The following RUVBL2 variants were observed in gnomAD, a reference collection of about 807,000 sequenced individuals.
The protein encoded by RUVBL2 is RuvB like AAA ATPase 2.
Under a neutral mutation model 57.9 loss-of-function variants are expected in RUVBL2, and 9 were observed. The ratio of observed to expected loss-of-function variants is 0.16; its 90% confidence interval spans 0.09 to 0.27. The LOEUF is 0.27. Ranked by LOEUF, RUVBL2 falls within the 10% of genes least tolerant of loss-of-function variation. The pLI is 1.00. For synonymous variants in RUVBL2, 278 were observed against 264.6 expected, an observed-to-expected ratio of 1.05 and a Z score of -0.49; for missense variants, 456 against 669.6, an observed-to-expected ratio of 0.68 and a Z score of 3.52.
intron 1 of RUVBL2, among the ~76,000 whole-genome samples, chr19:48,996,541 T>TGTGTGTGTGTGTGTG (rs2039065498): frequency 6.8e-6 from 1 of 146,240 alleles, no homozygotes; most frequent in African/African-American, 2.5e-5. Context: ...TGTGTGTGTG[T>TGTGTGTGTGTGTGTG]TAGTGATAGA....
Position 49,004,203 on chromosome 19 carries a change from C to T in RUVBL2, c.124-74C>T, listed in dbSNP as rs2039239966. On this transcript the variant is annotated intron_variant, in intron 3 of 14. Coordinates refer to ENST00000595090, the MANE Select transcript of RUVBL2 (RefSeq NM_006666.3). Reference sequence around the variant, plus strand: ...GCTAGTAATGTCTGCTTCCATCTCACTAGCTTCCTGATGTGGTAGAAATGC... The same window carrying T: ...GCTAGTAATGTCTGCTTCCATCTCATTAGCTTCCTGATGTGGTAGAAATGC... 3 of 1,495,482 alleles carry T rather than the reference C, an allele frequency of 2.0e-6. 1 individual carries two copies. The highest frequency in any genetic ancestry group is 1.4e-5 in the African/African-American group (1 of 71,444). The allele number at this position is 1,495,482 out of a possible 1,614,324, so 92.6% of individuals were successfully genotyped here.
intron 6 of RUVBL2, among the ~76,000 whole-genome samples, chr19:49,007,773 C>CG (rs2039311211): frequency 6.6e-6 from 1 of 151,998 alleles, no homozygotes; most frequent in African/African-American, 2.4e-5. Context: ...GGTGCAATCT[C>CG]GGCTCACTGC....
chr19:49,010,137 T>C (rs1013400358), intron 8 of RUVBL2, 71 bp downstream of exon 8: 2 of 1,348,452 alleles, frequency 1.5e-6, no homozygotes, highest in Middle Eastern at 3.5e-4. Flanking sequence ...ATCACCCCCT[T>C]GACCCATGGG....
At chr19:49,007,443 G>T (rs1345984906) in intron 6 of RUVBL2, 75 bp downstream of exon 6, 2 of 1,341,602 alleles carry the variant, frequency 1.5e-6, no homozygotes, top group Non-Finnish European at 2.1e-6. Context: ...TATCAGGTCT[G>T]CACTGAGGTC....
chr19:49,015,793 A>G, intron 14 of RUVBL2, 24 bp from the exon 15 acceptor site: 2 of 1,614,004 alleles, frequency 1.2e-6, no homozygotes, highest in Non-Finnish European at 1.7e-6. Flanking sequence ...GACACTGACC[A>G]TGTGGCCTTC....
intron 11 of RUVBL2, among the ~76,000 whole-genome samples, chr19:49,012,368 G>C (rs1474625395): frequency 6.6e-6 from 1 of 152,220 alleles, no homozygotes; most frequent in Admixed American, 6.5e-5. Flanking sequence ...GTGAGGCCCA[G>C]TGACTTGCCC....
At chr19:49,002,750 A>C (rs2039208589) in intron 2 of RUVBL2, among the ~76,000 whole-genome samples, 3 of 151,824 alleles carry the variant, frequency 2.0e-5, no homozygotes, top group African/African-American at 7.3e-5. Flanking sequence ...ATGCCCAGCT[A>C]ATTTTTGTAT....
Position 49,015,095 on chromosome 19 carries a change from T to C in RUVBL2, c.1196T>C (p.Leu399Pro), listed in dbSNP as rs1459370503. ...ACCCGCATCGGGCTGGAGACGTCAC[T>C]GCGCTACGCCATCCAGCTCATCACA... ...VLTRIGLETS[L>P]RYAIQLITAA... is the part of the protein sequence containing the mutation. Residue 399 changes from leucine (L) to proline (P), a missense_variant, in exon 13 of 15, where the codon CTG (leucine) becomes CCG (proline). Leu to Pro is a moderately conservative substitution (Grantham distance 98). Around this residue, in one of 5 missense-constraint regions of RUVBL2, gnomAD observed 130 missense variants for 243.0 expected, o/e 0.53. Coordinates refer to ENST00000595090, the MANE Select transcript of RUVBL2 (RefSeq NM_006666.3). The C allele has an allele frequency of 6.2e-7, 1 of 1,610,138 alleles. No individual in the cohort carries two copies. The highest frequency in any genetic ancestry group is 2.2e-5 in the East Asian group (1 of 44,646).
chr19:49,003,184 C>A, intron 2 of RUVBL2, 95 bp from the exon 3 acceptor site: 1 of 1,030,270 alleles, frequency 9.7e-7, no homozygotes, highest in African/African-American at 1.6e-5. Flanking sequence ...CCACCCACCC[C>A]TTTGACAAAG....
chr19:49,010,302 CT>C, intron 8 of RUVBL2, 185 bp from the exon 9 acceptor site: 3 of 701,818 alleles, frequency 4.3e-6, no homozygotes, highest in Non-Finnish European at 4.8e-6. Context: ...CCCCGTGACC[CT>C]CAGCGCTCTG....
rs1170119389 is a variant in RUVBL2, at chr19:48,999,847, CTG to C, written c.67+476_67+477del. Among the ~76,000 whole-genome samples, 3 of 152,284 alleles carry C rather than the reference CTG, an allele frequency of 2.0e-5. No homozygotes were observed. In the South Asian group the frequency reaches 6.2e-4, roughly 32 times the overall value. On this transcript the variant is annotated intron_variant, in intron 2 of 14. Transcript: ENST00000595090. ...TAGCCGCATGAGGTGCATATTGTAA[CTG>C]TTAGCTGAGGGAACTGATTTTCAGG...
At position 49,015,568 on chromosome 19, in the gene RUVBL2, C is replaced by T. The variant is rs376919159; in HGVS notation, c.1252-4C>T. On this transcript the variant is annotated splice_polypyrimidine_tract_variant and splice_region_variant and intron_variant, in intron 13 of 14. Transcript: ENST00000595090. ...CCAACTGAGGACTCGCCCTCCCCCT[C>T]CAGGGTACAGAAGTGCAGGTGGATG... The T allele has an allele frequency of 6.2e-7, 1 of 1,611,710 alleles. No individual in the cohort carries two copies. Among genetic ancestry groups the T allele is most frequent in the Non-Finnish European group, 8.5e-7 (1 of 1,178,038 alleles).
At chr19:48,994,306 A>T (rs1386253246) in intron 1 of RUVBL2, 1 of 264,500 alleles carries the variant, frequency 3.8e-6, no homozygotes, top group African/African-American at 2.2e-5. Context: ...TAGTGGTGCC[A>T]ATGGCACTTG....
rs1472721930 is a variant in RUVBL2 at position 48,997,127 on chromosome 19, C to A, written c.13-2192C>A. 2.6e-5 allele frequency among the ~76,000 whole-genome samples: 4 copies of A among 152,072 alleles called. No individual in the cohort carries two copies. In the South Asian group the frequency reaches 6.2e-4, roughly 24 times the overall value. On this transcript the variant is annotated intron_variant, in intron 1 of 14. Coordinates refer to ENST00000595090, the MANE Select transcript of RUVBL2 (RefSeq NM_006666.3). ...CATTGTCGTCACCCCAAAAAGAAACCCCATGCCTCTTACCTGTCACCGCTA... is the reference window on the plus strand; with the variant it reads ...CATTGTCGTCACCCCAAAAAGAAACACCATGCCTCTTACCTGTCACCGCTA...
intron 8 of RUVBL2, 155 bp downstream of exon 8, chr19:49,010,221 G>A (rs1568640132): frequency 2.5e-6 from 2 of 788,712 alleles, no homozygotes. Context: ...AGGACAGCAG[G>A]GCCCCTCAGC....
In RUVBL2 at chr19:49,015,704, G is replaced by C. The variant is rs559430899; in HGVS notation, c.1366+18G>C. On this transcript the variant is annotated intron_variant, in intron 14 of 14. Transcript: ENST00000595090. ...CGAACTCAGTAAGAATCCCCACCCC[G>C]CACCTGCACTGCCAGAGCCAACCTC... 38 of 1,610,558 alleles carry C rather than the reference G, an allele frequency of 2.4e-5. No individual in the cohort carries two copies. The Middle Eastern group carries it at 6.6e-4, about 28-fold the overall frequency.
chr19:48,993,672 G>C, upstream of RUVBL2: 1 of 604,276 alleles, frequency 1.7e-6, no homozygotes, highest in South Asian at 1.9e-5. Flanking sequence ...TGGTGGGGCT[G>C]AGCAAAAGGA....
intron 1 of RUVBL2, among the ~76,000 whole-genome samples, chr19:48,997,563 A>G (rs1482375764): frequency 6.7e-6 from 1 of 150,130 alleles, no homozygotes; most frequent in Non-Finnish European, 1.5e-5. Flanking sequence ...CAGGAAGCAG[A>G]GGTTGTAGTG....
intron 6 of RUVBL2, among the ~76,000 whole-genome samples, chr19:49,009,481 C>T (rs955221263): frequency 2.8e-4 from 42 of 151,354 alleles, no homozygotes; most frequent in Middle Eastern, 3.4e-3. Context: ...AGCAAGACTC[C>T]GTCTCAAAAA....
Sources: gnomAD v4.1 joint callset for allele counts (sites outside exome capture counted in the v4.1 genomes callset) on GRCh38, gnomAD v4.1.1 for gene constraint, gnomAD v4.1.1 regional missense constraint, MANE v1.5 for transcripts, NCBI Gene and HGNC (gene_info 2026-07-23, HGNC 2026-07-21) for gene names.